The following WWP1 variants were observed in gnomAD, a reference collection of about 807,000 sequenced individuals.
The protein encoded by WWP1 is NEDD4-like E3 ubiquitin-protein ligase WWP1.
WWP1 carries 49 observed loss-of-function variants against 130.6 expected under a neutral mutation model. The observed-to-expected ratio is 0.38, with a 90% confidence interval of 0.30 to 0.48. The LOEUF (loss-of-function observed/expected upper bound fraction) is 0.48. Among genes scored for constraint, WWP1 ranks in the 20% least tolerant of loss-of-function variants. The pLI is 0.99. For synonymous variants in WWP1, 332 were observed against 367.8 expected (o/e 0.90, Z 1.11); for missense variants, 809 against 1,100.6 (o/e 0.74, Z 3.75).
chr8:86,376,565 T>C (rs752132153), intron 3 of WWP1, among the ~76,000 whole-genome samples: 15 of 151,000 alleles, frequency 9.9e-5, no homozygotes, highest in Non-Finnish European at 1.5e-4. Flanking sequence ...TGAGGCTCTG[T>C]CTCAAAAAAA....
At chr8:86,393,853 G>A (rs1344390269) in intron 5 of WWP1, among the ~76,000 whole-genome samples, 1 of 152,200 alleles carries the variant, frequency 6.6e-6, no homozygotes, top group Non-Finnish European at 1.5e-5. Flanking sequence ...TGTGTGACCA[G>A]TAGATTATGG....
intron 5 of WWP1, among the ~76,000 whole-genome samples, chr8:86,394,212 A>G (rs576914621): frequency 1.2e-4 from 18 of 152,364 alleles, no homozygotes; most frequent in Non-Finnish European, 2.2e-4. Flanking sequence ...ACATGTTTTC[A>G]ACAAATCCAT....
intron 5 of WWP1, among the ~76,000 whole-genome samples, chr8:86,390,906 A>G (rs1164399459): frequency 6.6e-6 from 1 of 152,012 alleles, no homozygotes; most frequent in Non-Finnish European, 1.5e-5. Flanking sequence ...AAGGCTCCCT[A>G]TTGTTTTCTC....
At chr8:86,404,073 G>C (rs570548391) in intron 8 of WWP1, among the ~76,000 whole-genome samples, 1 of 152,270 alleles carries the variant, frequency 6.6e-6, no homozygotes, top group Non-Finnish European at 1.5e-5. Flanking sequence ...AATCTGAAAT[G>C]CTCCAAAATC....
rs755660986 is a variant in WWP1, at chr8:86,411,862, C to A, written c.1049C>A (p.Thr350Asn). ...RQQSGNANTETLPSGWEQRKD... is the reference protein window; with the variant it reads ...RQQSGNANTENLPSGWEQRKD... Reference sequence around the variant, plus strand: ...CAGTCTGGGAATGCCAACACAGAAACCTTGCCATCAGGGTATGTTAAGCTT... The same window carrying A: ...CAGTCTGGGAATGCCAACACAGAAAACTTGCCATCAGGGTATGTTAAGCTT... Residue 350 changes from threonine (T) to asparagine (N), a missense_variant, in exon 9 of 25, where the codon ACC becomes AAC. Physicochemically the swap from Thr to Asn is moderately conservative, Grantham distance 65. This residue lies in a region of WWP1 where 97 missense variants were observed against 80.4 expected (regional missense o/e 1.21). Transcript: ENST00000517970. The A allele has an allele frequency of 1.9e-6, 3 of 1,606,554 alleles. No homozygotes were observed. The highest frequency in any genetic ancestry group is 1.7e-4 in the Middle Eastern group (1 of 6,022).
At chr8:86,416,446 A>G (rs1375960689) in intron 9 of WWP1, among the ~76,000 whole-genome samples, 1 of 152,218 alleles carries the variant, frequency 6.6e-6, no homozygotes, top group Non-Finnish European at 1.5e-5. Flanking sequence ...CTGGGATTGT[A>G]GTTATGACAA....
chr8:86,370,856 T>C (rs13261406), intron 2 of WWP1, among the ~76,000 whole-genome samples: 2 of 25,440 alleles, frequency 7.9e-5, no homozygotes, highest in African/African-American at 1.3e-4. Flanking sequence ...ATATTCATTC[T>C]TTTTTTTTTT....
At chr8:86,430,157 C>T (rs1035784104) in intron 11 of WWP1, among the ~76,000 whole-genome samples, 4 of 152,062 alleles carry the variant, frequency 2.6e-5, no homozygotes, top group African/African-American at 4.8e-5. Flanking sequence ...GCTGAGATCA[C>T]GCCACTGCAC....
At chr8:86,362,171 T>TAC (rs1823693526) in intron 1 of WWP1, among the ~76,000 whole-genome samples, 1 of 63,744 alleles carries the variant, frequency 1.6e-5, no homozygotes, top group South Asian at 5.3e-4. Flanking sequence ...GGCATATATA[T>TAC]ATATATATAT....
At chr8:86,393,991 G>A (rs759493580) in intron 5 of WWP1, among the ~76,000 whole-genome samples, 7 of 152,206 alleles carry the variant, frequency 4.6e-5, no homozygotes, top group Non-Finnish European at 7.3e-5. Context: ...GCCCTGTGGC[G>A]GGGCACTGAG....
chr8:86,359,523 T>C (rs1321445450), intron 1 of WWP1, among the ~76,000 whole-genome samples: 1 of 152,130 alleles, frequency 6.6e-6, no homozygotes, highest in African/African-American at 2.4e-5. Flanking sequence ...GAGTGTCTCC[T>C]ACTTCACCGA....
intron 3 of WWP1, among the ~76,000 whole-genome samples, chr8:86,378,231 A>C (rs1824781233): frequency 6.6e-6 from 1 of 152,114 alleles, no homozygotes; most frequent in Admixed American, 6.5e-5. Flanking sequence ...ACTCAAAACC[A>C]ATCAGTTGGT....
At chr8:86,426,348 T>A (rs1229367560) in intron 10 of WWP1, among the ~76,000 whole-genome samples, 1 of 152,244 alleles carries the variant, frequency 6.6e-6, no homozygotes. Context: ...GTGACCCCAT[T>A]GTATTTTTAG....
intron 1 of WWP1, among the ~76,000 whole-genome samples, chr8:86,351,204 G>A (rs1822897486): frequency 6.6e-6 from 1 of 152,190 alleles, no homozygotes; most frequent in Admixed American, 6.5e-5. Context: ...CTTAAATCAT[G>A]TTTATTGCTC....
intron 8 of WWP1, among the ~76,000 whole-genome samples, chr8:86,403,162 G>A (rs937912968): frequency 4.6e-5 from 7 of 152,176 alleles, no homozygotes; most frequent in Non-Finnish European, 1.0e-4. Context: ...TGGGAATTAA[G>A]TTGAAATCCT....
At chr8:86,395,009 T>C (rs1247815021) in intron 5 of WWP1, among the ~76,000 whole-genome samples, 3 of 143,736 alleles carry the variant, frequency 2.1e-5, no homozygotes, top group Admixed American at 1.4e-4. Flanking sequence ...AGAATTAGAA[T>C]AGTCTGCCAT....
chr8:86,418,229 G>T (rs1017009980), intron 9 of WWP1, among the ~76,000 whole-genome samples: 2 of 152,164 alleles, frequency 1.3e-5, no homozygotes, highest in Non-Finnish European at 2.9e-5. Flanking sequence ...GCTAGGTGCT[G>T]TTAGTATACT....
At chr8:86,344,931 G>C (rs1366128237) in intron 1 of WWP1, among the ~76,000 whole-genome samples, 1 of 152,302 alleles carries the variant, frequency 6.6e-6, no homozygotes, top group Middle Eastern at 3.4e-3. Flanking sequence ...TTACCCGGTG[G>C]TGGGGCTTCC....
intron 5 of WWP1, among the ~76,000 whole-genome samples, chr8:86,391,948 G>C (rs1055822996): frequency 6.6e-6 from 1 of 152,168 alleles, no homozygotes; most frequent in South Asian, 2.1e-4. Context: ...ATTGTAAGCC[G>C]TTTTTAGTAA....
Sources: gnomAD v4.1 joint callset for allele counts (sites outside exome capture counted in the v4.1 genomes callset) on GRCh38, gnomAD v4.1.1 for gene constraint, gnomAD v4.1.1 regional missense constraint, MANE v1.5 for transcripts, NCBI Gene and HGNC (gene_info 2026-07-23, HGNC 2026-07-21) for gene names.